The following TCERG1 variants were observed in gnomAD, a reference collection of about 807,000 sequenced individuals.
TCERG1 encodes the protein TATA box binding protein (TBP)-associated factor, RNA polymerase II, S, 150kD.
A neutral mutation model predicts 144.7 loss-of-function variants in TCERG1; 37 were observed. That is an observed-to-expected ratio of 0.26 (90% CI 0.20 to 0.34). The LOEUF is 0.34. Among genes scored for constraint, TCERG1 ranks in the 10% least tolerant of loss-of-function variants. TCERG1 has a pLI of 1.00. For synonymous variants in TCERG1, 492 were observed against 458.2 expected, an observed-to-expected ratio of 1.07 and a Z score of -0.94; for missense variants, 1,027 against 1,380.7, an observed-to-expected ratio of 0.74 and a Z score of 4.06.
chr5:146,483,453 A>T, intron 14 of TCERG1, 87 bp from the exon 15 acceptor site: 1 of 1,155,440 alleles, frequency 8.7e-7, no homozygotes, highest in Non-Finnish European at 1.3e-6. Context: ...CTTTATAAAC[A>T]GATATCCTGT....
chr5:146,504,428 C>CT (rs1001150664), intron 19 of TCERG1: 1 of 153,208 alleles, frequency 6.5e-6, no homozygotes, highest in African/African-American at 2.4e-5. Flanking sequence ...GGAGGTGTAA[C>CT]TGACTGCAGG....
intron 22 of TCERG1, 131 bp downstream of exon 22, chr5:146,509,376 TC>T (rs925384291): frequency 1.5e-4 from 94 of 609,828 alleles, no homozygotes; most frequent in Non-Finnish European, 1.4e-4. Context: ...GATACCAACT[TC>T]TGTCCAAAGT....
intron 9 of TCERG1, among the ~76,000 whole-genome samples, chr5:146,472,889 A>G (rs1764473229): frequency 6.6e-6 from 1 of 152,036 alleles, no homozygotes; most frequent in South Asian, 2.1e-4. Flanking sequence ...AATTTTTTGC[A>G]TTTTTAGTAG....
At chr5:146,487,604 G>A (rs996703091) in intron 15 of TCERG1, among the ~76,000 whole-genome samples, 4 of 151,942 alleles carry the variant, frequency 2.6e-5, no homozygotes, top group East Asian at 3.9e-4. Flanking sequence ...GTGTGGTGTC[G>A]TGCACCTATA....
chr5:146,478,600 A>G lies in TCERG1; in HGVS notation c.1709A>G (p.Lys570Arg), dbSNP rs555049003. The G allele has an allele frequency of 2.0e-5, 33 of 1,609,790 alleles. No individual in the cohort carries two copies. The highest frequency in any genetic ancestry group is 1.3e-4 in the South Asian group (12 of 90,090). The change falls in exon 10 of 23, where the codon AAA becomes AGA. Residue 570 changes from lysine to arginine, a missense_variant. Physicochemically the swap from Lys to Arg is conservative, Grantham distance 26. Coordinates refer to ENST00000679501, the MANE Select transcript of TCERG1 (RefSeq NM_001382548.1). ...DDLIGRADVD[K>R]IIQEPPHKKG... ...CTGATTGGCAGGGCAGATGTTGACA[A>G]AATTATTCAGGAGCCCCCTCATAAA...
intron 1 of TCERG1, among the ~76,000 whole-genome samples, chr5:146,454,779 G>A (rs1762683181): frequency 6.6e-6 from 1 of 152,032 alleles, no homozygotes. Context: ...TGTATTTTTA[G>A]TAGAGATGGG....
At chr5:146,510,364 A>T in intron 22 of TCERG1, 77 bp from the exon 23 acceptor site, 2 of 986,228 alleles carry the variant, frequency 2.0e-6, no homozygotes, top group Non-Finnish European at 3.1e-6. Context: ...TAGGAACTAG[A>T]TGGACATTTC....
At position 146,507,003 on chromosome 5, in the gene TCERG1, T is replaced by TAC; in HGVS notation, c.2782-24_2782-23insCA. 6.6e-7 allele frequency: 1 copy of TAC among 1,512,308 alleles called. No homozygotes were observed. The allele number at this position is 1,512,308 out of a possible 1,614,324, so 93.7% of individuals were successfully genotyped here. A position where few individuals can be genotyped will look rare whatever the true frequency, so the allele number is the denominator to read the frequency against. On this transcript the variant is annotated intron_variant, in intron 19 of 22. Coordinates refer to ENST00000679501, the MANE Select transcript of TCERG1 (RefSeq NM_001382548.1). The surrounding 1 kb of genome is among the most constrained non-coding windows in gnomAD (Gnocchi z 4.6). Reference sequence around the variant, plus strand: ...ACATTCAGATAAGTCTCTTTGGTGATATATATATAATTTTTTCTCTTCAGG... The same window carrying TAC: ...ACATTCAGATAAGTCTCTTTGGTGATACATATATATAATTTTTTCTCTTCAGG...
intron 1 of TCERG1, among the ~76,000 whole-genome samples, chr5:146,453,241 G>A (rs2150186358): frequency 6.6e-6 from 1 of 152,190 alleles, no homozygotes; most frequent in South Asian, 2.1e-4. Flanking sequence ...TTCCCTTTAG[G>A]TAGAGACTAC....
intron 18 of TCERG1, 25 bp downstream of exon 18, chr5:146,503,564 G>C: frequency 6.2e-7 from 1 of 1,608,148 alleles, no homozygotes; most frequent in East Asian, 2.2e-5. Context: ...TACTTGTATT[G>C]CTTTCATTGA....
intron 3 of TCERG1, 70 bp from the exon 4 acceptor site, chr5:146,458,814 T>C (rs1012519006): frequency 6.5e-7 from 1 of 1,527,370 alleles, no homozygotes; most frequent in Non-Finnish European, 8.8e-7. Context: ...AGATAAAATA[T>C]GGTTCCATTC....
intron 15 of TCERG1, among the ~76,000 whole-genome samples, chr5:146,490,120 G>A (rs1766250436): frequency 6.6e-6 from 1 of 152,184 alleles, no homozygotes; most frequent in African/African-American, 2.4e-5. Context: ...TCTTCAGCAT[G>A]CAAATACTTT....
chr5:146,480,841 A>G (rs2150537340), intron 12 of TCERG1, among the ~76,000 whole-genome samples: 1 of 152,270 alleles, frequency 6.6e-6, no homozygotes, highest in South Asian at 2.1e-4. Context: ...ATTGGCAACA[A>G]CATAAAAGAT....
At chr5:146,473,160 A>C (rs1764507979) in intron 9 of TCERG1, among the ~76,000 whole-genome samples, 1 of 152,262 alleles carries the variant, frequency 6.6e-6, no homozygotes, top group Non-Finnish European at 1.5e-5. Context: ...AGTGCTATTC[A>C]TGTGAACATA....
chr5:146,449,916 G>A (rs1461279352), intron 1 of TCERG1, among the ~76,000 whole-genome samples: 1 of 151,276 alleles, frequency 6.6e-6, no homozygotes, highest in Non-Finnish European at 1.5e-5. Context: ...GAATATTCTG[G>A]TGTTATCACT....
At chr5:146,460,751 GA>G (rs958814106) in intron 4 of TCERG1, among the ~76,000 whole-genome samples, 4 of 152,152 alleles carry the variant, frequency 2.6e-5, no homozygotes, top group African/African-American at 9.7e-5. Flanking sequence ...TGTAGCGGGG[GA>G]ATGTACTGAA....
chr5:146,452,734 CG>C (rs1561628463), intron 1 of TCERG1, among the ~76,000 whole-genome samples: 1 of 152,170 alleles, frequency 6.6e-6, no homozygotes, highest in Non-Finnish European at 1.5e-5. Flanking sequence ...AGATTACAGG[CG>C]TGCACCACCA....
chr5:146,482,337 A>G (rs1765432817), intron 13 of TCERG1: 2 of 252,336 alleles, frequency 7.9e-6, no homozygotes, highest in Non-Finnish European at 1.5e-5. Context: ...AGTGTCAGGG[A>G]GAGACAGCCC....
chr5:146,487,440 G>C (rs757438283), intron 15 of TCERG1, among the ~76,000 whole-genome samples: 1 of 152,064 alleles, frequency 6.6e-6, no homozygotes, highest in Non-Finnish European at 1.5e-5. Context: ...ATTCAAAACA[G>C]AATGTCACTG....
Sources: gnomAD v4.1 joint callset for allele counts (sites outside exome capture counted in the v4.1 genomes callset) on GRCh38, gnomAD v4.1.1 for gene constraint, Gnocchi (gnomAD v3.1) non-coding constraint, MANE v1.5 for transcripts, NCBI Gene and HGNC (gene_info 2026-07-23, HGNC 2026-07-21) for gene names.